Variants in PRH1 observed in about 807,000 individuals in gnomAD.
PRH1 encodes salivary acidic proline-rich phosphoprotein 1/2.
A neutral mutation model predicts 7.9 loss-of-function variants in PRH1; 7 were observed. The ratio of observed to expected loss-of-function variants is 0.89; its 90% confidence interval spans 0.50 to 1.67. PRH1 has a LOEUF of 1.67. PRH1 is among the 40% of genes most tolerant of loss of function. The pLI is 0.00. For synonymous variants in PRH1, 45 were observed against 80.8 expected, an observed-to-expected ratio of 0.56 and a Z score of 2.38; for missense variants, 109 against 223.6, an observed-to-expected ratio of 0.49 and a Z score of 3.27.
chr12:11,134,347 T>A (rs1946485340), intron 1 of PRH1: 32 of 1,223,212 alleles, frequency 2.6e-5, no homozygotes, highest in Non-Finnish European at 3.5e-5. Flanking sequence ...CTGATTTGTG[T>A]ATGTGCTGTG....
chr12:10,920,132 G>T (rs1055885401), intron 2 of PRH1, among the ~76,000 whole-genome samples: 4 of 151,888 alleles, frequency 2.6e-5, no homozygotes, highest in African/African-American at 9.7e-5. Context: ...TAACTCAAGT[G>T]ATCTTCCCAT....
chr12:11,146,076 A>C (rs1260723500), intron 1 of PRH1, among the ~76,000 whole-genome samples: 1 of 152,116 alleles, frequency 6.6e-6, no homozygotes, highest in Non-Finnish European at 1.5e-5. Context: ...ATTCGCTTTG[A>C]CTATATCCTA....
In PRH1 at chr12:11,077,124, T is replaced by G. The variant is rs1944319044; in HGVS notation, n.124-29936A>C. ...GTGAAATATACTCAGCTTCATAGTT[T>G]ATGGTCAATGTTGTTATTTATACAC... On this transcript the variant is annotated intron_variant and non_coding_transcript_variant, in intron 1 of 4. Transcript: ENST00000541977. The G allele has an allele frequency of 2.5e-5, 3 of 117,990 alleles. 1 individual carries two copies. Among genetic ancestry groups the G allele is most frequent in the Non-Finnish European group, 4.0e-5 (2 of 49,870 alleles). The allele number at this position is 117,990 out of a possible 1,614,324, so 7.3% of individuals were successfully genotyped here.
At chr12:10,912,902 C>G (rs1949920811) in intron 2 of PRH1, among the ~76,000 whole-genome samples, 2 of 152,164 alleles carry the variant, frequency 1.3e-5, no homozygotes, top group South Asian at 2.1e-4. Flanking sequence ...CATACATCCA[C>G]TAGATCTATT....
At chr12:11,003,002 G>T (rs1437423359) in intron 1 of PRH1, among the ~76,000 whole-genome samples, 1 of 151,964 alleles carries the variant, frequency 6.6e-6, no homozygotes, top group Admixed American at 6.6e-5. Context: ...AATTTGAAAC[G>T]TGTATCATGA....
intron 1 of PRH1, among the ~76,000 whole-genome samples, chr12:10,979,891 A>T (rs1939274178): frequency 6.6e-6 from 1 of 152,304 alleles, no homozygotes; most frequent in Admixed American, 6.5e-5. Flanking sequence ...CTTCATTAAC[A>T]AAAGGAAAGA....
chr12:11,133,995 C>T, intron 1 of PRH1: 1 of 1,614,048 alleles, frequency 6.2e-7, no homozygotes, highest in Non-Finnish European at 8.5e-7. Flanking sequence ...ACATTATAAG[C>T]AGTAATTCTT....
chr12:11,132,284 A>C (rs1260913278), intron 1 of PRH1, among the ~76,000 whole-genome samples: 6 of 152,276 alleles, frequency 3.9e-5, no homozygotes, highest in Non-Finnish European at 5.9e-5. Flanking sequence ...AACACTTAAA[A>C]AAAGTTTCAC....
At chr12:11,049,756 A>G (rs938668027), upstream of PRH1, among the ~76,000 whole-genome samples, 7 of 152,192 alleles carry the variant, frequency 4.6e-5, no homozygotes, top group African/African-American at 1.2e-4. Context: ...GATAATACCA[A>G]TATGGTTTGT....
At chr12:10,946,270 T>C (rs1950485576) in intron 2 of PRH1, among the ~76,000 whole-genome samples, 1 of 152,206 alleles carries the variant, frequency 6.6e-6, no homozygotes, top group South Asian at 2.1e-4. Context: ...AGTATTAATT[T>C]GGGGAACTAA....
chr12:11,026,923 TTC>T (rs1377097676), intron 1 of PRH1, among the ~76,000 whole-genome samples: 1 of 152,162 alleles, frequency 6.6e-6, no homozygotes, highest in Non-Finnish European at 1.5e-5. Flanking sequence ...GCTATGTCAC[TTC>T]TGTTTAATTT....
intron 1 of PRH1, among the ~76,000 whole-genome samples, chr12:11,043,062 T>C (rs1460901391): frequency 6.6e-6 from 1 of 152,184 alleles, no homozygotes; most frequent in African/African-American, 2.4e-5. Context: ...GCGAATCAAA[T>C]TAAATAATAC....
chr12:11,133,937 C>T (rs779151178), intron 1 of PRH1: 2 of 1,614,102 alleles, frequency 1.2e-6, no homozygotes, highest in Non-Finnish European at 1.7e-6. Flanking sequence ...ATAAAACATG[C>T]TGAGGCTAGT....
rs1947609493 is a variant in PRH1, at chr12:11,167,301, T to C, written n.39+4121A>G. Among the ~76,000 whole-genome samples, 3 of 152,192 alleles carry C rather than the reference T, an allele frequency of 2.0e-5. No individual in the cohort carries two copies. In the South Asian group the frequency reaches 6.2e-4, roughly 31 times the overall value. On this transcript the variant is annotated intron_variant and non_coding_transcript_variant, in intron 1 of 1. Coordinates refer to the PRH1 transcript ENST00000541175. The stretch of plus-strand genomic sequence containing the variant: ...TCTGGGGCTCCCAGGTATTCTAAAC[T>C]GTCACATTAAACTACACTCAACCTT...
intron 2 of PRH1, among the ~76,000 whole-genome samples, chr12:10,905,192 CCA>C (rs1229980995): frequency 6.6e-6 from 1 of 151,968 alleles, no homozygotes; most frequent in African/African-American, 2.4e-5. Flanking sequence ...TGTATGCACG[CCA>C]CACTTTTTTG....
At chr12:11,044,484 A>T (rs1444400501) in intron 1 of PRH1, among the ~76,000 whole-genome samples, 1 of 152,156 alleles carries the variant, frequency 6.6e-6, no homozygotes, top group South Asian at 2.1e-4. Flanking sequence ...CAAAGGGTAC[A>T]ATCAACAAAG....
intron 1 of PRH1, among the ~76,000 whole-genome samples, chr12:11,043,944 T>C (rs1489804396): frequency 1.3e-5 from 2 of 152,044 alleles, no homozygotes; most frequent in Admixed American, 1.3e-4. Flanking sequence ...AAAACAATCC[T>C]AAAATTTATA....
intron 2 of PRH1, among the ~76,000 whole-genome samples, chr12:10,950,866 T>C (rs114424834): frequency 0.02 from 3,009 of 152,110 alleles, 34 homozygotes; most frequent in South Asian, 0.031. Flanking sequence ...AAAAAAAAGA[T>C]TGGTAGTAAA....
chr12:10,959,770 T>A (rs1276486409), intron 2 of PRH1, among the ~76,000 whole-genome samples: 1 of 152,148 alleles, frequency 6.6e-6, no homozygotes. Flanking sequence ...TCAGCCTTAT[T>A]CCTCTCTATT....
Sources: gnomAD v4.1 joint callset for allele counts (sites outside exome capture counted in the v4.1 genomes callset) on GRCh38, gnomAD v4.1.1 for gene constraint, MANE v1.5 for transcripts, NCBI Gene and HGNC (gene_info 2026-07-23, HGNC 2026-07-21) for gene names.